Variants in NDUFAF1 observed in about 807,000 individuals in gnomAD.
The protein encoded by NDUFAF1 is NADH:ubiquinone oxidoreductase complex assembly factor 1.
A neutral mutation model predicts 28.7 loss-of-function variants in NDUFAF1; 18 were observed. That is an observed-to-expected ratio of 0.63 (90% CI 0.43 to 0.93). NDUFAF1 has a LOEUF of 0.93. Among genes scored for constraint, NDUFAF1 ranks in the 40% least tolerant of loss-of-function variants. The pLI, the probability that NDUFAF1 is intolerant of heterozygous loss-of-function variation, is 0.00. For missense variants in NDUFAF1, 404 were observed against 398.3 expected (o/e 1.01, Z -0.12); for synonymous variants, 113 against 139.7 (o/e 0.81, Z 1.35).
chr15:41,395,262 A>T (rs2050369639), intron 2 of NDUFAF1, among the ~76,000 whole-genome samples: 1 of 152,198 alleles, frequency 6.6e-6, no homozygotes, highest in Admixed American at 6.5e-5. Flanking sequence ...CTGGCCCAGG[A>T]CAGTGTTTAC....
intron 3 of NDUFAF1, among the ~76,000 whole-genome samples, chr15:41,390,173 G>C (rs1240133775): frequency 2.6e-5 from 4 of 152,002 alleles, no homozygotes; most frequent in Non-Finnish European, 4.4e-5. Context: ...ATGTTGCTCA[G>C]GCTTGTCTTA....
intron 1 of NDUFAF1, among the ~76,000 whole-genome samples, chr15:41,401,257 G>T (rs4924544): frequency 0.65 from 95,585 of 146,146 alleles, 32,852 homozygotes; most frequent in African/African-American, 0.86. Context: ...CGTCAGCCAC[G>T]GCGCCCAACC....
At chr15:41,394,207 T>C (rs926817967) in intron 3 of NDUFAF1, 3 of 478,158 alleles carry the variant, frequency 6.3e-6, no homozygotes, top group African/African-American at 6.0e-5. Context: ...TTTGTATTTT[T>C]TTTAGTAGAG....
intron 3 of NDUFAF1, among the ~76,000 whole-genome samples, chr15:41,392,605 TTC>T (rs1249917375): frequency 6.6e-6 from 1 of 152,134 alleles, no homozygotes; most frequent in African/African-American, 2.4e-5. Context: ...TCGGCTCTCA[TTC>T]TCTTTCCTGC....
At position 41,397,132 on chromosome 15, in the gene NDUFAF1, C is replaced by A; in HGVS notation, c.-73G>T. The stretch of plus-strand genomic sequence containing the variant: ...CACCAAGAAGCTTCAGCAAATAGCC[C>A]AATTCTACCTATAACAGAAGAGACA... On this transcript the variant is annotated 5_prime_UTR_variant, in exon 2 of 5. Coordinates refer to ENST00000260361, the MANE Select transcript of NDUFAF1 (RefSeq NM_016013.4). The A allele has an allele frequency of 1.7e-6, 2 of 1,206,538 alleles. No homozygotes were observed. Among genetic ancestry groups the A allele is most frequent in the East Asian group, 2.3e-5 (1 of 42,588 alleles). The allele number at this position is 1,206,538 out of a possible 1,614,324, so 74.7% of individuals were successfully genotyped here. A position where few individuals can be genotyped will look rare whatever the true frequency, so the allele number is the denominator to read the frequency against.
chr15:41,397,372 C>T (rs1032985581), intron 1 of NDUFAF1, among the ~76,000 whole-genome samples: 2 of 152,094 alleles, frequency 1.3e-5, no homozygotes, highest in African/African-American at 4.8e-5. Context: ...ATCTCAGCCA[C>T]CCAAGTAGCT....
At chr15:41,394,441 C>G in intron 3 of NDUFAF1, 3 of 1,174,742 alleles carry the variant, frequency 2.6e-6, no homozygotes, top group Non-Finnish European at 3.4e-6. Flanking sequence ...GTGCCTGTGA[C>G]TTAGCATGGA....
chr15:41,396,821 A>G lies in NDUFAF1; in HGVS notation c.239T>C (p.Val80Ala), dbSNP rs1322716484. ...ATCTCTAATTGCTTTATCGAAACTAACATCAGGCTTCTCCTCAGAAGAAGT... is the reference window on the plus strand; with the variant it reads ...ATCTCTAATTGCTTTATCGAAACTAGCATCAGGCTTCTCCTCAGAAGAAGT... ...DITSSEEKPDVSFDKAIRDEA... is the reference protein window; with the variant it reads ...DITSSEEKPDASFDKAIRDEA... The change falls in exon 2 of 5, where the codon GTT becomes GCT. Residue 80 changes from valine to alanine, a missense_variant. Transcript: ENST00000260361. 6.2e-7 allele frequency: 1 copy of G among 1,614,046 alleles called. No individual in the cohort carries two copies. Among genetic ancestry groups the G allele is most frequent in the East Asian group, 2.2e-5 (1 of 44,894 alleles).
chr15:41,400,386 A>T (rs1031009410), intron 1 of NDUFAF1, among the ~76,000 whole-genome samples: 2 of 151,660 alleles, frequency 1.3e-5, no homozygotes, highest in African/African-American at 4.8e-5. Flanking sequence ...AAAAAAAAAA[A>T]AATAGAGATG....
intron 3 of NDUFAF1, among the ~76,000 whole-genome samples, chr15:41,389,249 A>AT (rs749169325): frequency 0.016 from 1,920 of 117,106 alleles, 50 homozygotes; most frequent in African/African-American, 0.054. Flanking sequence ...CACCCGGCTA[A>AT]TTTTTTTTTT....
chr15:41,392,537 C>A (rs138380629), intron 3 of NDUFAF1, among the ~76,000 whole-genome samples: 42 of 152,222 alleles, frequency 2.8e-4, no homozygotes, highest in African/African-American at 9.6e-4. Flanking sequence ...CCATACTGTT[C>A]TAGTGACAGT....
At chr15:41,401,649 C>T (rs1420123454) in intron 1 of NDUFAF1, among the ~76,000 whole-genome samples, 3 of 151,826 alleles carry the variant, frequency 2.0e-5, no homozygotes, top group Non-Finnish European at 2.9e-5. Context: ...TGGTCTCGAA[C>T]TCCTGACCTC....
chr15:41,391,391 C>T (rs796478985), intron 3 of NDUFAF1, among the ~76,000 whole-genome samples: 5 of 151,908 alleles, frequency 3.3e-5, no homozygotes, highest in African/African-American at 9.6e-5. Flanking sequence ...GGAGGCGAGT[C>T]GGGTGGATCA....
intron 3 of NDUFAF1, among the ~76,000 whole-genome samples, chr15:41,389,608 T>C (rs936942420): frequency 6.6e-6 from 1 of 151,504 alleles, no homozygotes; most frequent in Non-Finnish European, 1.5e-5. Flanking sequence ...AAGACTCTAG[T>C]AAAAAAACAA....
intron 2 of NDUFAF1, among the ~76,000 whole-genome samples, chr15:41,395,259 A>G (rs757385904): frequency 6.6e-6 from 1 of 152,216 alleles, no homozygotes; most frequent in African/African-American, 2.4e-5. Flanking sequence ...CAACTGGCCC[A>G]GGACAGTGTT....
chr15:41,402,110 G>A (rs974617073), intron 1 of NDUFAF1, 34 bp downstream of exon 1: 1 of 424,486 alleles, frequency 2.4e-6, no homozygotes, highest in Non-Finnish European at 4.9e-6. Context: ...GCAGCTAGAA[G>A]TGAGTAGAAT....
intron 1 of NDUFAF1, among the ~76,000 whole-genome samples, chr15:41,401,863 C>T (rs931285288): frequency 7.2e-5 from 11 of 152,080 alleles, no homozygotes; most frequent in African/African-American, 1.9e-4. Context: ...ATTTAAATTC[C>T]CCCGCGCCGG....
chr15:41,390,706 C>A (rs1391071786), intron 3 of NDUFAF1, among the ~76,000 whole-genome samples: 1 of 146,502 alleles, frequency 6.8e-6, no homozygotes, highest in Non-Finnish European at 1.5e-5. Flanking sequence ...GCATGGGCAA[C>A]AGAGCCAGAC....
chr15:41,397,157 A>G lies in NDUFAF1; in HGVS notation c.-81-17T>C, dbSNP rs1566825850. On this transcript the variant is annotated splice_polypyrimidine_tract_variant and intron_variant, in intron 1 of 4. Coordinates refer to ENST00000260361, the MANE Select transcript of NDUFAF1 (RefSeq NM_016013.4). ...CAATTCTACCTATAACAGAAGAGAC[A>G]TTGAAGAATTATCAGCATAGCAATG... 1.1e-6 allele frequency: 1 copy of G among 944,658 alleles called. No individual in the cohort carries two copies. The highest frequency in any genetic ancestry group is 2.5e-5 in the East Asian group (1 of 39,728). The allele number at this position is 944,658 out of a possible 1,614,324, so 58.5% of individuals were successfully genotyped here. A position where few individuals can be genotyped will look rare whatever the true frequency, so the allele number is the denominator to read the frequency against.
Sources: gnomAD v4.1 joint callset for allele counts (sites outside exome capture counted in the v4.1 genomes callset) on GRCh38, gnomAD v4.1.1 for gene constraint, MANE v1.5 for transcripts, NCBI Gene and HGNC (gene_info 2026-07-23, HGNC 2026-07-21) for gene names.